Variants in CCSER2 observed in about 807,000 individuals in gnomAD.
CCSER2 encodes coiled-coil serine rich protein 2, also known as serine-rich coiled-coil domain-containing protein 2.
A neutral mutation model predicts 92.3 loss-of-function variants in CCSER2; 46 were observed. That is an observed-to-expected ratio of 0.50 (90% CI 0.39 to 0.64). The LOEUF is 0.64. Among genes scored for constraint, CCSER2 ranks in the 30% least tolerant of loss-of-function variants. The probability of loss-of-function intolerance (pLI) is 0.00; values close to 1 mark genes in which losing one functional copy is unlikely to be tolerated. For missense variants in CCSER2, 1,244 were observed against 1,238.9 expected, an observed-to-expected ratio of 1.00 and a Z score of -0.06; for synonymous variants, 433 against 431.4, an observed-to-expected ratio of 1.00 and a Z score of -0.04.
chr10:84,447,273 C>G (rs1390347700), intron 6 of CCSER2, among the ~76,000 whole-genome samples: 1 of 152,068 alleles, frequency 6.6e-6, no homozygotes, highest in African/African-American at 2.4e-5. Flanking sequence ...ACCCAACTTA[C>G]GAATTTGTGT....
In CCSER2 at chr10:84,463,945, G is replaced by T; in HGVS notation, c.2077G>T (p.Gly693Cys). ...TTCTTTCTGACAGCATGATGGAAGT[G>T]GTTCATTGCATGATATTCAACTGTC... is the stretch of plus-strand genomic sequence containing the variant. ...KRLLHQHDGS[G>C]SLHDIQLSLP... The change falls in exon 7 of 10, where the codon GGT (glycine) becomes TGT (cysteine). Residue 693 changes from glycine to cysteine, a missense_variant. Coordinates refer to ENST00000372088, the MANE Select transcript of CCSER2 (RefSeq NM_001284240.2). The T allele has an allele frequency of 5.0e-6, 8 of 1,606,844 alleles. No homozygotes were observed. The highest frequency in any genetic ancestry group is 6.8e-6 in the Non-Finnish European group (8 of 1,173,978).
Position 84,371,280 on chromosome 10 carries a change from A to T in CCSER2, c.228A>T (p.Ala76=), listed in dbSNP as rs148282462. ...AAGCAAATAAATATCAGCTTTGTGC[A>T]CAAGGTGTCGAAGAGCCTAACAATA... ...WRKANKYQLC[A]QGVEEPNNTQ... Residue 76 remains alanine (A), a synonymous_variant, in exon 2 of 10, where the codon GCA becomes GCT. Coordinates refer to ENST00000372088, the MANE Select transcript of CCSER2 (RefSeq NM_001284240.2). 4 of 1,613,460 alleles carry T rather than the reference A, an allele frequency of 2.5e-6. No individual in the cohort carries two copies. The African/African-American group carries it at 5.3e-5, about 22-fold the overall frequency.
In CCSER2 at chr10:84,398,777, C is replaced by A. The variant is rs1393662630; in HGVS notation, c.1615-18994C>A. On this transcript the variant is annotated intron_variant, in intron 3 of 9. Transcript: ENST00000372088. ...CACAGGGAATACAATGATGAACAGA[C>A]TTTTTTTTTTAAAGTAATAATTTTG... is the stretch of plus-strand genomic sequence containing the variant. Among the ~76,000 whole-genome samples the A allele has an allele frequency of 2.0e-5, 3 of 148,994 alleles. No homozygotes were observed. In the East Asian group the frequency reaches 5.8e-4, roughly 29 times the overall value.
At chr10:84,361,730 G>A (rs911626870) in intron 1 of CCSER2, among the ~76,000 whole-genome samples, 1 of 151,622 alleles carries the variant, frequency 6.6e-6, no homozygotes, top group East Asian at 1.9e-4. Context: ...CAACCTCTGC[G>A]TTTTGGATTT....
chr10:84,453,556 A>G (rs764678459), intron 6 of CCSER2, among the ~76,000 whole-genome samples: 1 of 152,146 alleles, frequency 6.6e-6, no homozygotes, highest in East Asian at 1.9e-4. Flanking sequence ...AATGGAATAT[A>G]TATTTTCTGT....
At chr10:84,486,478 A>G (rs927723436) in intron 9 of CCSER2, among the ~76,000 whole-genome samples, 1 of 152,072 alleles carries the variant, frequency 6.6e-6, no homozygotes, top group Admixed American at 6.5e-5. Context: ...TTTGATTTGC[A>G]TTTCTGTGAT....
intron 6 of CCSER2, among the ~76,000 whole-genome samples, chr10:84,451,667 A>G (rs769651058): frequency 2.6e-5 from 4 of 152,220 alleles, no homozygotes; most frequent in Non-Finnish European, 5.9e-5. Flanking sequence ...CGTAACAGAT[A>G]TGTAAATGTG....
intron 1 of CCSER2, among the ~76,000 whole-genome samples, chr10:84,357,514 A>C (rs1296377741): frequency 7.2e-6 from 1 of 139,502 alleles, no homozygotes; most frequent in Non-Finnish European, 1.5e-5. Context: ...AAGTGGTGTG[A>C]TCTCGGCTCA....
intron 3 of CCSER2, among the ~76,000 whole-genome samples, chr10:84,376,893 G>A (rs1160832007): frequency 2.0e-5 from 3 of 152,026 alleles, no homozygotes; most frequent in Non-Finnish European, 4.4e-5. Flanking sequence ...GGGTATAGTA[G>A]TATTGCATTG....
At chr10:84,391,488 G>C in intron 3 of CCSER2, 1 of 1,555,222 alleles carries the variant, frequency 6.4e-7, no homozygotes, top group Non-Finnish European at 8.9e-7. Flanking sequence ...GTTAAGCCTT[G>C]TATAGCTGAT....
At chr10:84,403,202 A>G (rs1842210385) in intron 3 of CCSER2, among the ~76,000 whole-genome samples, 1 of 152,104 alleles carries the variant, frequency 6.6e-6, no homozygotes, top group African/African-American at 2.4e-5. Context: ...GCAGTTTAAC[A>G]AATAGTACTG....
intron 6 of CCSER2, among the ~76,000 whole-genome samples, chr10:84,449,358 G>C (rs1031809556): frequency 6.6e-6 from 1 of 150,646 alleles, no homozygotes; most frequent in African/African-American, 2.4e-5. Flanking sequence ...CTGGGCAACA[G>C]AGTAAGAGTC....
chr10:84,391,987 AT>A, intron 3 of CCSER2: 1 of 1,334,846 alleles, frequency 7.5e-7, no homozygotes, highest in Admixed American at 1.7e-5. Flanking sequence ...AATTGGAGGC[AT>A]TTCTCTGACC....
intron 1 of CCSER2, among the ~76,000 whole-genome samples, chr10:84,368,655 TA>T (rs1486361063): frequency 2.0e-5 from 3 of 152,232 alleles, no homozygotes; most frequent in African/African-American, 4.8e-5. Flanking sequence ...TGTATTTTTT[TA>T]AAAAAATAAT....
chr10:84,457,278 A>ATAATATG (rs1564684607), intron 6 of CCSER2, among the ~76,000 whole-genome samples: 50 of 2,224 alleles, frequency 0.022, 1 homozygote, highest in African/African-American at 0.071. Context: ...TATATAATAT[A>ATAATATG]TTATATATTA....
chr10:84,428,608 CT>C (rs1342179506), intron 5 of CCSER2, among the ~76,000 whole-genome samples: 1 of 152,078 alleles, frequency 6.6e-6, no homozygotes, highest in Non-Finnish European at 1.5e-5. Flanking sequence ...GTCTTTTTAT[CT>C]TTTGCATAAT....
chr10:84,381,449 A>G (rs1487219629), intron 3 of CCSER2, among the ~76,000 whole-genome samples: 1 of 152,204 alleles, frequency 6.6e-6, no homozygotes, highest in East Asian at 1.9e-4. Flanking sequence ...TTAGAGTGCT[A>G]TAAAACTTTT....
chr10:84,457,259 A>ATATATAATATATT (rs1564684309), intron 6 of CCSER2, among the ~76,000 whole-genome samples: 1 of 55,104 alleles, frequency 1.8e-5, no homozygotes, highest in Non-Finnish European at 3.1e-5. Context: ...TATTATATAA[A>ATATATAATATATT]ATATATTATA....
chr10:84,422,292 C>T (rs1471103764), intron 4 of CCSER2, among the ~76,000 whole-genome samples: 1 of 152,208 alleles, frequency 6.6e-6, no homozygotes, highest in Non-Finnish European at 1.5e-5. Context: ...GAGAAGTCCA[C>T]ACCTGAGTGT....
Sources: allele counts gnomAD v4.1 joint callset (sites outside exome capture counted in the v4.1 genomes callset), GRCh38; gene constraint gnomAD v4.1.1; transcripts MANE v1.5; gene names NCBI Gene and HGNC (gene_info 2026-07-23, HGNC 2026-07-21).